ANKRD11: variants seen among roughly 807,000 people sequenced by gnomAD.
ANKRD11 encodes ankyrin repeat domain-containing protein 11.
Under a neutral mutation model 195.7 loss-of-function variants are expected in ANKRD11, and 17 were observed. The observed-to-expected ratio is 0.09, with a 90% CI of 0.06 to 0.13. The LOEUF (loss-of-function observed/expected upper bound fraction) is 0.13, where lower values mean the gene tolerates loss of function less well. ANKRD11 is among the 10% of genes least tolerant of loss of function. The pLI is 1.00. For synonymous variants in ANKRD11, 1,953 were observed against 1,528.1 expected (o/e 1.28, Z -6.49); for missense variants, 3,735 against 3,566.1 (o/e 1.05, Z -1.21).
chr16:89,279,867 C>A lies in ANKRD11; in HGVS notation c.6675G>T (p.Thr2225=), dbSNP rs537642535. The change falls in exon 9 of 13, where the codon ACG becomes ACT. Residue 2225 remains threonine, a synonymous_variant. Transcript: ENST00000301030. The surrounding 1 kb of genome is among the most constrained non-coding windows in gnomAD (Gnocchi z 5.6). ...CCCCACGGGCCCTCTCTTCCGGCACCGTCTCCGCCTCCACCGCAGCTTCTA... is the reference window on the plus strand; with the variant it reads ...CCCCACGGGCCCTCTCTTCCGGCACAGTCTCCGCCTCCACCGCAGCTTCTA... ...VALEAAVEAE[T]VPEERARGDP... 6.4e-7 allele frequency: 1 copy of A among 1,565,432 alleles called. No homozygotes were observed. Among genetic ancestry groups the A allele is most frequent in the Non-Finnish European group, 8.6e-7 (1 of 1,156,702 alleles).
intron 1 of ANKRD11, among the ~76,000 whole-genome samples, chr16:89,432,548 C>A (rs907404258): frequency 2.6e-5 from 4 of 152,294 alleles, no homozygotes; most frequent in East Asian, 1.9e-4. Flanking sequence ...CTGGCAAACT[C>A]CTATTCATTC....
chr16:89,336,260 T>C (rs1050522769), intron 2 of ANKRD11, among the ~76,000 whole-genome samples: 12 of 152,182 alleles, frequency 7.9e-5, no homozygotes, highest in African/African-American at 2.7e-4. Context: ...CTGGACCTGG[T>C]GCCTGGCTGG....
chr16:89,341,647 G>T (rs2038665320), intron 2 of ANKRD11, among the ~76,000 whole-genome samples: 1 of 152,204 alleles, frequency 6.6e-6, no homozygotes, highest in Non-Finnish European at 1.5e-5. Flanking sequence ...TTAACACTGG[G>T]AGCAATGCCA....
intron 1 of ANKRD11, among the ~76,000 whole-genome samples, chr16:89,450,095 A>G (rs1216796982): frequency 6.6e-6 from 1 of 152,176 alleles, no homozygotes; most frequent in Non-Finnish European, 1.5e-5. Context: ...GTGTTACTGA[A>G]TGTGTCACAC....
chr16:89,320,994 C>G (rs1011953802), intron 2 of ANKRD11: 3 of 152,374 alleles, frequency 2.0e-5, no homozygotes, highest in African/African-American at 7.2e-5. Context: ...CAGGAGGTGA[C>G]AGATGCTGTC....
chr16:89,395,270 T>A lies in ANKRD11; in HGVS notation c.-60+23014A>T, dbSNP rs556208496. On this transcript the variant is annotated intron_variant, in intron 2 of 12. Coordinates refer to ENST00000301030, the MANE Select transcript of ANKRD11 (RefSeq NM_013275.6). ...GGCTGAGCCCCAGGGAAGGGCTGCG[T>A]ACTGCCAGAGGAATGGGCTGGACTC... 2.0e-5 allele frequency among the ~76,000 whole-genome samples: 3 copies of A among 152,350 alleles called. No homozygotes were observed. In the East Asian group the frequency reaches 5.8e-4, roughly 29 times the overall value.
intron 2 of ANKRD11, among the ~76,000 whole-genome samples, chr16:89,317,782 A>G (rs1043990186): frequency 5.9e-5 from 9 of 152,164 alleles, no homozygotes; most frequent in African/African-American, 2.2e-4. Context: ...ATCATGTTTT[A>G]TTTTAGGAAA....
chr16:89,286,435 C>G (rs2034651460), intron 7 of ANKRD11: 1 of 618,786 alleles, frequency 1.6e-6, no homozygotes, highest in Non-Finnish European at 2.7e-6. Flanking sequence ...CCTGTGCTCT[C>G]CTTCAGAAGG....
At chr16:89,341,982 C>T (rs1042061990) in intron 2 of ANKRD11, among the ~76,000 whole-genome samples, 1 of 148,184 alleles carries the variant, frequency 6.7e-6, no homozygotes, top group African/African-American at 2.6e-5. Flanking sequence ...GAGTGCTGCA[C>T]CTCCACCCAC....
intron 1 of ANKRD11, among the ~76,000 whole-genome samples, chr16:89,450,863 T>C (rs955131411): frequency 2.0e-5 from 3 of 152,134 alleles, no homozygotes; most frequent in African/African-American, 7.2e-5. Context: ...ATGCCTTCCA[T>C]CAGCCATGAA....
chr16:89,436,819 T>TA lies in ANKRD11; in HGVS notation c.-144-18452dup, dbSNP rs2043234647. ...AGGGAATTAATAACTAGAGAACTGT[T>TA]AGAGACCCCTGAAGGTTGGACAATG... On this transcript the variant is annotated intron_variant, in intron 1 of 12. Coordinates refer to ENST00000301030, the MANE Select transcript of ANKRD11 (RefSeq NM_013275.6). 2.6e-5 allele frequency among the ~76,000 whole-genome samples: 4 copies of TA among 152,208 alleles called. No individual in the cohort carries two copies. The South Asian group carries it at 6.2e-4, about 24-fold the overall frequency.
chr16:89,336,446 C>G (rs1050164194), intron 2 of ANKRD11, among the ~76,000 whole-genome samples: 2 of 152,170 alleles, frequency 1.3e-5, no homozygotes, highest in African/African-American at 4.8e-5. Flanking sequence ...GTGCTAGGGA[C>G]CAGGTGAACA....
At chr16:89,278,300 A>T (rs2033832908) in intron 9 of ANKRD11, 1 of 350,440 alleles carries the variant, frequency 2.9e-6, no homozygotes, top group African/African-American at 2.2e-5. Flanking sequence ...GCTGGGAAAG[A>T]CCCCAGTGGG....
At chr16:89,477,777 G>A (rs2057306865) in intron 1 of ANKRD11, among the ~76,000 whole-genome samples, 1 of 151,666 alleles carries the variant, frequency 6.6e-6, no homozygotes, top group African/African-American at 2.4e-5. Flanking sequence ...TTCAAGACCA[G>A]CCTGGCCAAC....
intron 2 of ANKRD11, among the ~76,000 whole-genome samples, chr16:89,368,170 C>A (rs1019816581): frequency 3.9e-5 from 6 of 151,984 alleles, no homozygotes; most frequent in African/African-American, 1.2e-4. Flanking sequence ...ACAATTCCAA[C>A]ATACTCTGTC....
At chr16:89,386,652 C>T (rs2040925324) in intron 2 of ANKRD11, among the ~76,000 whole-genome samples, 1 of 152,230 alleles carries the variant, frequency 6.6e-6, no homozygotes, top group South Asian at 2.1e-4. Flanking sequence ...TCTTCTCGTC[C>T]AGGAAACTTG....
chr16:89,328,448 T>A (rs953076670), intron 2 of ANKRD11, among the ~76,000 whole-genome samples: 5 of 152,250 alleles, frequency 3.3e-5, no homozygotes, highest in African/African-American at 1.2e-4. Context: ...CTTCAACAGG[T>A]GTCCCAGCGG....
rs200250196 is a variant in ANKRD11, at chr16:89,283,098, G to A, written c.3444C>T (p.Gly1148=). The A allele has an allele frequency of 2.4e-5, 39 of 1,613,844 alleles. No individual in the cohort carries two copies. The African/African-American group carries it at 4.4e-4, about 18-fold the overall frequency. The stretch of plus-strand genomic sequence containing the variant: ...CCCGTCCTTCCTCCTTCTCCTGGAG[G>A]CCGTCCGTCCTCGGCAAGTCGCTGG... The part of the protein sequence containing the change: ...GEASDLPRTD[G]LQEKEEGREA... The change falls in exon 9 of 13, where the codon GGC becomes GGT. Residue 1148 remains glycine, a synonymous_variant. Transcript: ENST00000301030. This position sits in a 1 kb window ranked among gnomAD's most constrained non-coding sequence, Gnocchi z 4.3.
Position 89,290,842 on chromosome 16 carries a change from A to G in ANKRD11, c.398-14T>C, listed in dbSNP as rs2151797150. ...GTGTTGTGTCCACTGCAGGCCAAGG[A>G]GGGGACAGATGGGCATTACTGTGGG... is the stretch of plus-strand genomic sequence containing the variant. On this transcript the variant is annotated splice_polypyrimidine_tract_variant and intron_variant, in intron 5 of 12. Transcript: ENST00000301030. 6.2e-7 allele frequency: 1 copy of G among 1,613,106 alleles called. No homozygotes were observed. The highest frequency in any genetic ancestry group is 8.5e-7 in the Non-Finnish European group (1 of 1,179,950).
Sources: allele counts gnomAD v4.1 joint callset (sites outside exome capture counted in the v4.1 genomes callset), GRCh38; gene constraint gnomAD v4.1.1; non-coding constraint Gnocchi (gnomAD v3.1); transcripts MANE v1.5; gene names NCBI Gene and HGNC (gene_info 2026-07-23, HGNC 2026-07-21).